Variants in CHD1L observed in about 807,000 individuals in gnomAD.
CHD1L encodes chromodomain helicase DNA binding protein 1 like.
A neutral mutation model predicts 115.9 loss-of-function variants in CHD1L; 118 were observed. The observed-to-expected ratio is 1.02, with a 90% CI of 0.88 to 1.19. The LOEUF (loss-of-function observed/expected upper bound fraction) is 1.19. Ranked by LOEUF, CHD1L falls within the 50% of genes most tolerant of loss-of-function variation. The pLI, the probability that CHD1L is intolerant of heterozygous loss-of-function variation, is 0.00. For missense variants in CHD1L, 1,179 were observed against 1,065.3 expected, an observed-to-expected ratio of 1.11 and a Z score of -1.49; for synonymous variants, 411 against 387.1, an observed-to-expected ratio of 1.06 and a Z score of -0.72.
chr1:147,289,199 T>C (rs1553968417), intron 19 of CHD1L, among the ~76,000 whole-genome samples: 1 of 151,658 alleles, frequency 6.6e-6, no homozygotes, highest in African/African-American at 2.4e-5. Flanking sequence ...GAGGTGCAGA[T>C]TGAGGAGTCC....
At chr1:147,277,310 T>C (rs1270696840) in intron 14 of CHD1L, among the ~76,000 whole-genome samples, 1 of 152,182 alleles carries the variant, frequency 6.6e-6, no homozygotes, top group African/African-American at 2.4e-5. Context: ...CATAAGTGTT[T>C]AAGAGAGAAA....
chr1:147,192,003 T>C, the CHD1L span, among the ~76,000 whole-genome samples: 1 of 152,138 alleles, frequency 6.6e-6, no homozygotes, highest in Admixed American at 6.5e-5. Flanking sequence ...GGCTCTTTTT[T>C]GGTTCCATAT....
the CHD1L span, among the ~76,000 whole-genome samples, chr1:147,185,511 CA>C: frequency 2.8e-4 from 42 of 152,090 alleles, no homozygotes; most frequent in Non-Finnish European, 5.0e-4. Flanking sequence ...CTCTAACTCT[CA>C]AAAGGCATTC....
chr1:147,201,430 C>A, the CHD1L span: 1 of 1,614,162 alleles, frequency 6.2e-7, no homozygotes, highest in Admixed American at 1.7e-5. Flanking sequence ...CTTCACATTT[C>A]CTTTCACTTT....
intron 1 of CHD1L, among the ~76,000 whole-genome samples, chr1:147,244,311 A>G (rs2102229444): frequency 6.6e-6 from 1 of 152,346 alleles, no homozygotes; most frequent in Admixed American, 6.5e-5. Context: ...ATTCAGAATT[A>G]AGTAGGCAAA....
chr1:147,204,098 T>A, the CHD1L span: 8 of 1,061,936 alleles, frequency 7.5e-6, no homozygotes, highest in African/African-American at 4.7e-5. Flanking sequence ...AGCTTTGACT[T>A]ATGCATCCAT....
At chr1:147,249,525 C>G (rs1667736362) in intron 1 of CHD1L, among the ~76,000 whole-genome samples, 1 of 150,854 alleles carries the variant, frequency 6.6e-6, no homozygotes, top group South Asian at 2.1e-4. Flanking sequence ...CGTGCCTCAG[C>G]CTCCCGAGTA....
chr1:147,255,031 T>C, intron 3 of CHD1L, 55 bp downstream of exon 3: 1 of 1,315,910 alleles, frequency 7.6e-7, no homozygotes, highest in South Asian at 1.5e-5. Flanking sequence ...AGATTTTTTT[T>C]CTGGATGATG....
chr1:147,232,608 C>G, the CHD1L span, among the ~76,000 whole-genome samples: 22 of 151,984 alleles, frequency 1.4e-4, no homozygotes, highest in Non-Finnish European at 1.3e-4. Context: ...GCCTGATTCT[C>G]CTGCCTCAGC....
the CHD1L span, among the ~76,000 whole-genome samples, chr1:147,174,045 A>G: frequency 6.6e-6 from 1 of 152,214 alleles, no homozygotes; most frequent in Non-Finnish European, 1.5e-5. Context: ...TATTTGCTGA[A>G]ACGTTCATTT....
At chr1:147,186,539 A>T in the CHD1L span, 16 of 1,006,094 alleles carry the variant, frequency 1.6e-5, no homozygotes, top group Middle Eastern at 5.0e-4. Flanking sequence ...AAGCGATTTT[A>T]TACCGATGCT....
the CHD1L span, among the ~76,000 whole-genome samples, chr1:147,226,029 G>A: frequency 1.3e-5 from 2 of 151,956 alleles, no homozygotes; most frequent in African/African-American, 4.8e-5. Context: ...TTAGGTCAGG[G>A]GTTGATGTTA....
chr1:147,222,593 A>C, the CHD1L span, among the ~76,000 whole-genome samples: 1 of 152,182 alleles, frequency 6.6e-6, no homozygotes, highest in Non-Finnish European at 1.5e-5. Context: ...AAAAATGGAG[A>C]TAGTAGAATA....
chr1:147,220,743 T>C, the CHD1L span, among the ~76,000 whole-genome samples: 1 of 152,188 alleles, frequency 6.6e-6, no homozygotes, highest in African/African-American at 2.4e-5. Context: ...GTCAATCTTC[T>C]GCATATGGCT....
chr1:147,190,043 T>G, the CHD1L span: 31 of 586,940 alleles, frequency 5.3e-5, no homozygotes, highest in Non-Finnish European at 8.5e-5. Flanking sequence ...TGTCACAAAT[T>G]ATTTTTCCTT....
At chr1:147,249,955 G>A (rs1667896937) in intron 1 of CHD1L, among the ~76,000 whole-genome samples, 1 of 152,028 alleles carries the variant, frequency 6.6e-6, no homozygotes, top group African/African-American at 2.4e-5. Context: ...ATTCTGTAGA[G>A]TTCACTGATT....
chr1:147,184,471 ATAC>A, the CHD1L span: 1 of 1,488,508 alleles, frequency 6.7e-7, no homozygotes, highest in Non-Finnish European at 8.9e-7. This position sits in a 1 kb window ranked among gnomAD's most constrained non-coding sequence, Gnocchi z 4.4. Flanking sequence ...TCCATCCAGG[ATAC>A]TACATTACAT....
At chr1:147,239,989 C>T (rs587670143), upstream of CHD1L, among the ~76,000 whole-genome samples, 31 of 152,310 alleles carry the variant, frequency 2.0e-4, no homozygotes, top group African/African-American at 7.0e-4. Context: ...ATATAAATCT[C>T]TCTTCAGGTT....
intron 11 of CHD1L, among the ~76,000 whole-genome samples, chr1:147,271,340 C>T (rs1011847190): frequency 6.6e-6 from 1 of 152,130 alleles, no homozygotes; most frequent in Non-Finnish European, 1.5e-5. Context: ...GTAACATTCA[C>T]CTCAACAGTT....
Sources: gnomAD v4.1 joint callset for allele counts (sites outside exome capture counted in the v4.1 genomes callset) on GRCh38, gnomAD v4.1.1 for gene constraint, Gnocchi (gnomAD v3.1) non-coding constraint, MANE v1.5 for transcripts, NCBI Gene and HGNC (gene_info 2026-07-23, HGNC 2026-07-21) for gene names.